The following NXPH1 variants were observed in gnomAD, a reference collection of about 807,000 sequenced individuals.
NXPH1 encodes neurexophilin 1.
A neutral mutation model predicts 23.7 loss-of-function variants in NXPH1; 5 were observed. The ratio of observed to expected loss-of-function variants is 0.21; its 90% CI spans 0.11 to 0.44. The LOEUF (loss-of-function observed/expected upper bound fraction) is 0.44, where lower values mean the gene tolerates loss of function less well. Ranked by LOEUF, NXPH1 falls within the 20% of genes least tolerant of loss-of-function variation. The pLI is 0.99. For missense variants in NXPH1, 324 were observed against 321.6 expected (o/e 1.01, Z -0.06); for synonymous variants, 144 against 122.2 (o/e 1.18, Z -1.18).
intron 2 of NXPH1, among the ~76,000 whole-genome samples, chr7:8,695,233 G>T (rs1821288750): frequency 6.6e-6 from 1 of 152,164 alleles, no homozygotes; most frequent in African/African-American, 2.4e-5. Flanking sequence ...CTAGGTCTTT[G>T]AAGTTTACTG....
intron 2 of NXPH1, among the ~76,000 whole-genome samples, chr7:8,735,425 G>T (rs193131156): frequency 6.6e-6 from 1 of 152,150 alleles, no homozygotes; most frequent in African/African-American, 2.4e-5. Context: ...TTATGTTTAT[G>T]TACTGTATTA....
At chr7:8,522,725 C>T (rs1817793086) in intron 2 of NXPH1, among the ~76,000 whole-genome samples, 1 of 152,164 alleles carries the variant, frequency 6.6e-6, no homozygotes, top group Non-Finnish European at 1.5e-5. Flanking sequence ...GTTCCCTCAG[C>T]CTATATCTTC....
Position 8,751,940 on chromosome 7 carries a change from A to C in NXPH1, c.*171A>C. ...AAACACTCTGATGTAATTTCTGCCC[A>C]GTCAGCTTCATCCCTCAGTATAATT... On this transcript the variant is annotated 3_prime_UTR_variant, in exon 3 of 3. Coordinates refer to ENST00000405863, the MANE Select transcript of NXPH1 (RefSeq NM_152745.3). The surrounding 1 kb of genome is among the most constrained non-coding windows in gnomAD (Gnocchi z 4.5). 1.6e-6 allele frequency: 1 copy of C among 617,560 alleles called. No homozygotes were observed. The highest frequency in any genetic ancestry group is 2.8e-6 in the Non-Finnish European group (1 of 361,502). The allele number at this position is 617,560 out of a possible 1,614,324, so 38.3% of individuals were successfully genotyped here. A position where few individuals can be genotyped will look rare whatever the true frequency, so the allele number is the denominator to read the frequency against.
intron 2 of NXPH1, among the ~76,000 whole-genome samples, chr7:8,611,855 A>G (rs1819629003): frequency 6.6e-6 from 1 of 152,122 alleles, no homozygotes; most frequent in African/African-American, 2.4e-5. Context: ...TACTAAGTCT[A>G]GAGTAACATG....
chr7:8,654,228 T>C (rs183208329), intron 2 of NXPH1, among the ~76,000 whole-genome samples: 1 of 152,068 alleles, frequency 6.6e-6, no homozygotes. Flanking sequence ...CTCTGTTAGA[T>C]CCTTTCAAGT....
rs569671714 is a variant in NXPH1, at chr7:8,610,990, T to C, written c.55-140018T>C. On this transcript the variant is annotated intron_variant, in intron 2 of 2. Coordinates refer to ENST00000405863, the MANE Select transcript of NXPH1 (RefSeq NM_152745.3). ...CACTTAACTTGAGTCACAATAGCAC[T>C]GGGTCTGGATAATAGCCATTGTGGC... 1.2e-3 allele frequency among the ~76,000 whole-genome samples: 176 copies of C among 152,272 alleles called. 3 individuals are homozygous for C. The South Asian group carries it at 0.036, about 31-fold the overall frequency.
chr7:8,612,630 G>T (rs892604343), intron 2 of NXPH1, among the ~76,000 whole-genome samples: 2 of 151,974 alleles, frequency 1.3e-5, no homozygotes, highest in Admixed American at 6.6e-5. Flanking sequence ...AGTCCAAAGA[G>T]AATATTTAAA....
chr7:8,510,994 C>T (rs1435116393), intron 2 of NXPH1, among the ~76,000 whole-genome samples: 1 of 152,044 alleles, frequency 6.6e-6, no homozygotes, highest in Non-Finnish European at 1.5e-5. Flanking sequence ...TCTCTGCTTC[C>T]CTGACCTTGG....
intron 2 of NXPH1, among the ~76,000 whole-genome samples, chr7:8,699,694 A>T (rs1244420637): frequency 6.6e-6 from 1 of 152,184 alleles, no homozygotes; most frequent in Non-Finnish European, 1.5e-5. Context: ...TGGGGAAAAT[A>T]CAAGTTAAAA....
intron 2 of NXPH1, among the ~76,000 whole-genome samples, chr7:8,650,857 A>G (rs1437380109): frequency 1.3e-5 from 2 of 152,216 alleles, no homozygotes; most frequent in African/African-American, 2.4e-5. Context: ...GTATTGACTG[A>G]GTTCAATGGT....
At chr7:8,571,441 G>A (rs1432687062) in intron 2 of NXPH1, among the ~76,000 whole-genome samples, 3 of 151,722 alleles carry the variant, frequency 2.0e-5, no homozygotes, top group African/African-American at 4.8e-5. Context: ...GAACAGAGGT[G>A]GGAAAAAGAA....
At chr7:8,689,042 T>C (rs1218799804) in intron 2 of NXPH1, among the ~76,000 whole-genome samples, 3 of 152,162 alleles carry the variant, frequency 2.0e-5, no homozygotes, top group Admixed American at 1.3e-4. Context: ...TTTCAAAAAA[T>C]GTTTGCTGAC....
intron 2 of NXPH1, among the ~76,000 whole-genome samples, chr7:8,535,679 C>T (rs1273614798): frequency 6.6e-6 from 1 of 151,762 alleles, no homozygotes; most frequent in Non-Finnish European, 1.5e-5. Flanking sequence ...AAAAATAAAG[C>T]AAGGTAAGAA....
chr7:8,650,087 A>T lies in NXPH1; in HGVS notation c.55-100921A>T, dbSNP rs1419946857. 2.0e-5 allele frequency among the ~76,000 whole-genome samples: 3 copies of T among 152,186 alleles called. 1 individual carries two copies. Among genetic ancestry groups the T allele is most frequent in the African/African-American group, 7.2e-5 (3 of 41,450 alleles). ...ATTTCTGGACAGTTGTACAAGAAGGATGCAATGAACAATTTTTATCTTAAT... is the reference window on the plus strand; with the variant it reads ...ATTTCTGGACAGTTGTACAAGAAGGTTGCAATGAACAATTTTTATCTTAAT... On this transcript the variant is annotated intron_variant, in intron 2 of 2. Transcript: ENST00000405863.
At chr7:8,652,207 GA>G (rs1231319235) in intron 2 of NXPH1, among the ~76,000 whole-genome samples, 1 of 151,968 alleles carries the variant, frequency 6.6e-6, no homozygotes, top group African/African-American at 2.4e-5. Context: ...TATTATTATA[GA>G]AAATGAGAAA....
intron 2 of NXPH1, among the ~76,000 whole-genome samples, chr7:8,551,920 G>C (rs1312988827): frequency 6.6e-6 from 1 of 151,326 alleles, no homozygotes; most frequent in African/African-American, 2.4e-5. Context: ...TAGATCTATA[G>C]CTTTAAAGAT....
At chr7:8,503,450 C>G (rs1047774795) in intron 2 of NXPH1, among the ~76,000 whole-genome samples, 2 of 151,922 alleles carry the variant, frequency 1.3e-5, no homozygotes, top group African/African-American at 4.8e-5. Context: ...ATATGCAAGT[C>G]CCACTACACT....
At chr7:8,539,556 C>T (rs957669535) in intron 2 of NXPH1, among the ~76,000 whole-genome samples, 1 of 151,826 alleles carries the variant, frequency 6.6e-6, no homozygotes, top group African/African-American at 2.4e-5. Flanking sequence ...AAGACTTTCA[C>T]AGTGGTTGCA....
At chr7:8,445,614 C>T (rs181273747) in intron 2 of NXPH1, among the ~76,000 whole-genome samples, 69 of 152,160 alleles carry the variant, frequency 4.5e-4, no homozygotes, top group African/African-American at 1.5e-3. Context: ...ACAAAAATTA[C>T]GACAAAGATT....
Sources: allele counts gnomAD v4.1 joint callset (sites outside exome capture counted in the v4.1 genomes callset), GRCh38; gene constraint gnomAD v4.1.1; non-coding constraint Gnocchi (gnomAD v3.1); transcripts MANE v1.5; gene names NCBI Gene and HGNC (gene_info 2026-07-23, HGNC 2026-07-21).